Variants in TMEM132B observed in about 807,000 individuals in gnomAD.
TMEM132B encodes the protein transmembrane protein 132B.
A neutral mutation model predicts 90.8 loss-of-function variants in TMEM132B; 18 were observed. The ratio of observed to expected loss-of-function variants is 0.20; its 90% confidence interval spans 0.14 to 0.29. The LOEUF (loss-of-function observed/expected upper bound fraction) is 0.29. Among genes scored for constraint, TMEM132B ranks in the 10% least tolerant of loss-of-function variants. TMEM132B has a pLI of 1.00. For missense variants in TMEM132B, 1,096 were observed against 1,326.8 expected (o/e 0.83, Z 2.70); for synonymous variants, 504 against 523.3 (o/e 0.96, Z 0.50).
intron 1 of TMEM132B, among the ~76,000 whole-genome samples, chr12:125,341,904 T>G (rs1877191350): frequency 6.6e-6 from 1 of 152,232 alleles, no homozygotes; most frequent in Admixed American, 6.5e-5. Flanking sequence ...CCACTTCCCC[T>G]GAATCCCATG....
intron 3 of TMEM132B, among the ~76,000 whole-genome samples, chr12:125,513,832 G>A (rs1042663494): frequency 2.0e-5 from 3 of 151,990 alleles, no homozygotes; most frequent in African/African-American, 7.3e-5. Flanking sequence ...GAAGAATTTT[G>A]TTTAATTCTT....
chr12:125,451,847 G>A (rs1443063905), intron 3 of TMEM132B, among the ~76,000 whole-genome samples: 1 of 152,212 alleles, frequency 6.6e-6, no homozygotes, highest in East Asian at 1.9e-4. Flanking sequence ...TAGCATTCCA[G>A]GATATCAGGA....
intron 1 of TMEM132B, among the ~76,000 whole-genome samples, chr12:125,290,195 C>T (rs749431420): frequency 3.3e-5 from 5 of 152,172 alleles, no homozygotes; most frequent in Non-Finnish European, 5.9e-5. Flanking sequence ...CATTACGCAT[C>T]GGAATTACCC....
In TMEM132B at chr12:125,432,366, AATATATAT is replaced by A. The variant is rs749081900; in HGVS notation, c.1106+16714_1106+16721del. 3.2e-3 allele frequency among the ~76,000 whole-genome samples: 38 copies of A among 11,916 alleles called. 7 individuals are homozygous for A. Among genetic ancestry groups the A allele is most frequent in the South Asian group, 0.023 (5 of 218 alleles). The allele number at this position is 11,916 out of a possible 152,430, so 7.8% of individuals were successfully genotyped here. A position where few individuals can be genotyped will look rare whatever the true frequency, so the allele number is the denominator to read the frequency against. On this transcript the variant is annotated intron_variant, in intron 3 of 8. Coordinates refer to ENST00000682704, the MANE Select transcript of TMEM132B (RefSeq NM_001366854.1). ...GTGAATGGGCCAAGGGAATTCCTTG[AATATATAT>A]ATATATATATATATATATATATATG...
chr12:125,402,059 A>G (rs758458013), intron 2 of TMEM132B, among the ~76,000 whole-genome samples: 28 of 152,346 alleles, frequency 1.8e-4, no homozygotes, highest in East Asian at 1.2e-3. Context: ...TTTAGCGGAA[A>G]TATTTGAGGG....
intron 1 of TMEM132B, among the ~76,000 whole-genome samples, chr12:125,321,744 T>C (rs144420449): frequency 8.5e-5 from 13 of 152,214 alleles, no homozygotes; most frequent in African/African-American, 2.6e-4. Context: ...TCTCAAAGTG[T>C]TGGGATTACA....
chr12:125,515,712 TCA>T (rs1883128826), intron 3 of TMEM132B, among the ~76,000 whole-genome samples: 1 of 151,282 alleles, frequency 6.6e-6, no homozygotes, highest in Admixed American at 6.6e-5. Flanking sequence ...CACAACACAT[TCA>T]CACGTTCTCA....
chr12:125,655,064 T>C lies in TMEM132B; in HGVS notation c.*354T>C, dbSNP rs925008387. ...TAGAAAAGATTTGGGTGTTGATTTT[T>C]CTATTTCTAGACCTTTTAAAGCACA... On this transcript the variant is annotated 3_prime_UTR_variant, in exon 9 of 9. Transcript: ENST00000682704. 1 of 221,168 alleles carries C rather than the reference T, an allele frequency of 4.5e-6. No homozygotes were observed. Among genetic ancestry groups the C allele is most frequent in the Non-Finnish European group, 9.0e-6 (1 of 111,320 alleles). 13.7% of individuals were successfully genotyped at this position (221,168 alleles called of 1,614,324 possible).
chr12:125,513,817 A>G (rs1883041498), intron 3 of TMEM132B, among the ~76,000 whole-genome samples: 1 of 152,162 alleles, frequency 6.6e-6, no homozygotes, highest in Non-Finnish European at 1.5e-5. Flanking sequence ...TAATTTTTAA[A>G]AATTGAAGAA....
At position 125,617,494 on chromosome 12, in the gene TMEM132B, C is replaced by T. The variant is rs560378486; in HGVS notation, c.1438-26582C>T. Among the ~76,000 whole-genome samples, 294 of 152,022 alleles carry T rather than the reference C, an allele frequency of 1.9e-3. 1 individual carries two copies. Among genetic ancestry groups the T allele is most frequent in the African/African-American group, 6.9e-3 (287 of 41,484 alleles). On this transcript the variant is annotated intron_variant, in intron 5 of 8. Coordinates refer to ENST00000682704, the MANE Select transcript of TMEM132B (RefSeq NM_001366854.1). The stretch of plus-strand genomic sequence containing the variant: ...CCAAGTAGCTGGGATTACAGGCATG[C>T]GCCACCACACCTGGCCAATTTTGTA...
At chr12:125,443,704 A>G (rs1880934247) in intron 3 of TMEM132B, among the ~76,000 whole-genome samples, 1 of 152,226 alleles carries the variant, frequency 6.6e-6, no homozygotes, top group South Asian at 2.1e-4. Context: ...AGGAAAGCAG[A>G]TTTATAGCTA....
At chr12:125,391,083 C>G (rs1237749296) in intron 2 of TMEM132B, among the ~76,000 whole-genome samples, 1 of 149,652 alleles carries the variant, frequency 6.7e-6, no homozygotes, top group Admixed American at 6.7e-5. Flanking sequence ...GTCTCACTAT[C>G]AATAATTGAA....
chr12:125,291,546 GAC>G (rs1875540706), intron 1 of TMEM132B, among the ~76,000 whole-genome samples: 1 of 152,168 alleles, frequency 6.6e-6, no homozygotes, highest in Non-Finnish European at 1.5e-5. Flanking sequence ...GCCCCTGGCT[GAC>G]AGTCAGCAAG....
intron 3 of TMEM132B, among the ~76,000 whole-genome samples, chr12:125,471,399 C>T (rs939313973): frequency 1.3e-5 from 2 of 152,194 alleles, no homozygotes; most frequent in African/African-American, 2.4e-5. Context: ...TCCAGCCACA[C>T]CAGTTCAGGG....
Position 125,376,843 on chromosome 12 carries a change from A to G in TMEM132B, c.959+26500A>G, listed in dbSNP as rs374932841. Among the ~76,000 whole-genome samples the G allele has an allele frequency of 3.2e-4, 49 of 152,338 alleles. No individual in the cohort carries two copies. In the South Asian group the frequency reaches 9.5e-3, roughly 30 times the overall value. On this transcript the variant is annotated intron_variant, in intron 2 of 8. Transcript: ENST00000682704. ...CTGAGCCAGTGCCCCCAGGCACATCACAGTGATCTGAAAGCAGATCTATGT... is the reference window on the plus strand; with the variant it reads ...CTGAGCCAGTGCCCCCAGGCACATCGCAGTGATCTGAAAGCAGATCTATGT...
intron 1 of TMEM132B, among the ~76,000 whole-genome samples, chr12:125,322,559 G>A (rs991298241): frequency 6.6e-6 from 1 of 152,180 alleles, no homozygotes; most frequent in African/African-American, 2.4e-5. Flanking sequence ...AGCTTTTGGG[G>A]TGTAGGAAGT....
intron 2 of TMEM132B, among the ~76,000 whole-genome samples, chr12:125,355,835 T>A (rs1027968182): frequency 6.6e-6 from 1 of 152,198 alleles, no homozygotes; most frequent in African/African-American, 2.4e-5. Context: ...CCACGTGCCA[T>A]GCTGCTATTT....
intron 1 of TMEM132B, among the ~76,000 whole-genome samples, chr12:125,283,848 C>T (rs772248070): frequency 2.6e-5 from 4 of 152,194 alleles, no homozygotes; most frequent in East Asian, 3.9e-4. Flanking sequence ...TGCTTGTTGT[C>T]GCAGAATCCT....
At chr12:125,336,516 T>A (rs1220800696) in intron 1 of TMEM132B, among the ~76,000 whole-genome samples, 1 of 152,222 alleles carries the variant, frequency 6.6e-6, no homozygotes, top group East Asian at 1.9e-4. Context: ...CTTACATGGT[T>A]TGCATTCTTT....
Sources: allele counts gnomAD v4.1 joint callset (sites outside exome capture counted in the v4.1 genomes callset), GRCh38; gene constraint gnomAD v4.1.1; transcripts MANE v1.5; gene names NCBI Gene and HGNC (gene_info 2026-07-23, HGNC 2026-07-21).